The following RIPOR2 variants were observed in gnomAD, a reference collection of about 807,000 sequenced individuals.
RIPOR2 encodes the protein RHO family interacting cell polarization regulator 2, also known as rho family-interacting cell polarization regulator 2.
A neutral mutation model predicts 114.5 loss-of-function variants in RIPOR2; 39 were observed. The ratio of observed to expected loss-of-function variants is 0.34; its 90% CI spans 0.26 to 0.44. The LOEUF (loss-of-function observed/expected upper bound fraction) is 0.44, where lower values mean the gene tolerates loss of function less well. Ranked by LOEUF, RIPOR2 falls within the 20% of genes least tolerant of loss-of-function variation. RIPOR2 has a pLI of 1.00. For synonymous variants in RIPOR2, 445 were observed against 484.4 expected (o/e 0.92, Z 1.07); for missense variants, 1,007 against 1,255.1 (o/e 0.80, Z 2.99).
At chr6:24,839,463 T>C in intron 13 of RIPOR2, 191 bp from the exon 14 acceptor site, 1 of 1,425,568 alleles carries the variant, frequency 7.0e-7, no homozygotes, top group Non-Finnish European at 9.4e-7. Context: ...AATGGCACAA[T>C]ATCTGGGACT....
At chr6:24,973,864 T>C (rs912978069) in intron 1 of RIPOR2, among the ~76,000 whole-genome samples, 2 of 152,302 alleles carry the variant, frequency 1.3e-5, no homozygotes, top group Admixed American at 6.5e-5. Flanking sequence ...AAATACCACA[T>C]ATTCTTACTT....
chr6:24,956,327 A>T (rs1561806483), intron 1 of RIPOR2, among the ~76,000 whole-genome samples: 8 of 152,238 alleles, frequency 5.3e-5, no homozygotes. Context: ...CTGAGATTTT[A>T]AGATGATTTT....
chr6:24,927,795 A>G (rs1771070956), intron 1 of RIPOR2, among the ~76,000 whole-genome samples: 1 of 152,202 alleles, frequency 6.6e-6, no homozygotes, highest in Non-Finnish European at 1.5e-5. Context: ...AAGCCAAACA[A>G]CTAGTAAGTT....
chr6:24,897,539 T>A (rs111792141), intron 1 of RIPOR2, among the ~76,000 whole-genome samples: 3 of 152,354 alleles, frequency 2.0e-5, no homozygotes, highest in African/African-American at 7.2e-5. Context: ...GTATCAAATT[T>A]ACCAGTTATG....
At chr6:24,875,627 T>C (rs1765656608) in intron 2 of RIPOR2, 64 bp downstream of exon 2, 2 of 1,539,452 alleles carry the variant, frequency 1.3e-6, no homozygotes. Context: ...CAGACCCTCT[T>C]CACAACATCA....
intron 1 of RIPOR2, among the ~76,000 whole-genome samples, chr6:24,951,869 C>G (rs903182360): frequency 2.6e-5 from 4 of 152,190 alleles, no homozygotes; most frequent in African/African-American, 9.6e-5. Context: ...CATATGAGAA[C>G]GGAACTTGTG....
At chr6:24,835,997 A>T (rs1335206842) in intron 14 of RIPOR2, 126 bp from the exon 15 acceptor site, 6 of 831,990 alleles carry the variant, frequency 7.2e-6, no homozygotes, top group Admixed American at 5.5e-5. Context: ...CCTATCTTGA[A>T]AAATAGAGAC....
chr6:25,009,665 G>A (rs1035535023), intron 1 of RIPOR2, among the ~76,000 whole-genome samples: 2 of 152,138 alleles, frequency 1.3e-5, no homozygotes, highest in East Asian at 1.9e-4. Flanking sequence ...CGCAGAAACC[G>A]TGTTTTAAAT....
chr6:24,975,567 C>A (rs1258022396), intron 1 of RIPOR2, among the ~76,000 whole-genome samples: 1 of 152,130 alleles, frequency 6.6e-6, no homozygotes, highest in East Asian at 1.9e-4. Flanking sequence ...CCTGTAGTCC[C>A]AGCTACTCGG....
At chr6:24,877,857 T>C (rs892405042) in intron 1 of RIPOR2, among the ~76,000 whole-genome samples, 60 of 152,074 alleles carry the variant, frequency 3.9e-4, no homozygotes, top group Non-Finnish European at 6.5e-4. Flanking sequence ...GATTGGCTAT[T>C]TTAAAGAGAG....
intron 14 of RIPOR2, among the ~76,000 whole-genome samples, chr6:24,836,390 G>C (rs527808012): frequency 3.2e-4 from 48 of 152,254 alleles, no homozygotes; most frequent in African/African-American, 6.7e-4. Context: ...AGTTAAAAAG[G>C]GTGTTTGAAT....
At chr6:24,890,657 CT>C (rs70974945) in intron 1 of RIPOR2, among the ~76,000 whole-genome samples, 271 of 138,802 alleles carry the variant, frequency 2.0e-3, no homozygotes, top group Admixed American at 1.6e-3. Context: ...AGATTTTTTT[CT>C]TTTTTTTTTT....
intron 1 of RIPOR2, among the ~76,000 whole-genome samples, chr6:24,950,985 C>A (rs1294408069): frequency 6.6e-6 from 1 of 152,214 alleles, no homozygotes; most frequent in Non-Finnish European, 1.5e-5. Context: ...TCCTAGAAGA[C>A]AAAGGTCAGC....
intron 20 of RIPOR2, among the ~76,000 whole-genome samples, chr6:24,811,103 C>T (rs1308386411): frequency 1.3e-5 from 2 of 151,986 alleles, no homozygotes; most frequent in East Asian, 1.9e-4. Flanking sequence ...CCATGCCTGG[C>T]CCTAGAGCTG....
chr6:25,019,008 C>T (rs1320650445), intron 1 of RIPOR2, among the ~76,000 whole-genome samples: 1 of 152,068 alleles, frequency 6.6e-6, no homozygotes, highest in Non-Finnish European at 1.5e-5. Context: ...ATTTAGTTAG[C>T]TTGAAATACA....
chr6:25,040,483 C>A (rs1777420491), intron 1 of RIPOR2, among the ~76,000 whole-genome samples: 1 of 152,040 alleles, frequency 6.6e-6, no homozygotes, highest in Non-Finnish European at 1.5e-5. Context: ...TGGTGGTCCA[C>A]AGTTGTCACA....
chr6:24,868,966 T>G, intron 6 of RIPOR2, 128 bp downstream of exon 6: 1 of 544,970 alleles, frequency 1.8e-6, no homozygotes, highest in Admixed American at 3.5e-5. Context: ...ATGACGTAAT[T>G]GCTAGTCAGC....
At chr6:24,903,711 A>G (rs1043117274) in intron 1 of RIPOR2, among the ~76,000 whole-genome samples, 6 of 152,318 alleles carry the variant, frequency 3.9e-5, no homozygotes, top group South Asian at 4.1e-4. Flanking sequence ...AAATGGGGGT[A>G]TCCTCCAGAG....
chr6:24,851,715 A>T (rs1762941053), intron 9 of RIPOR2, among the ~76,000 whole-genome samples: 3 of 151,866 alleles, frequency 2.0e-5, no homozygotes, highest in Non-Finnish European at 4.4e-5. Flanking sequence ...GGTACTTATG[A>T]TCAGCCATGA....
Sources: allele counts gnomAD v4.1 joint callset (sites outside exome capture counted in the v4.1 genomes callset), GRCh38; gene constraint gnomAD v4.1.1; transcripts MANE v1.5; gene names NCBI Gene and HGNC (gene_info 2026-07-23, HGNC 2026-07-21).